The following ZNF804B variants were observed in gnomAD, a reference collection of about 807,000 sequenced individuals.
The protein encoded by ZNF804B is zinc finger protein 804B, also known as zinc finger 804B.
In ZNF804B, 80 loss-of-function variants were observed where a neutral mutation model predicts 101.4. The ratio of observed to expected loss-of-function variants is 0.79; its 90% CI spans 0.66 to 0.95. ZNF804B has a LOEUF of 0.95. ZNF804B is among the 40% of genes least tolerant of loss of function. ZNF804B has a pLI of 0.00. For synonymous variants in ZNF804B, 622 were observed against 558.8 expected (o/e 1.11, Z -1.59); for missense variants, 1,673 against 1,561.9 (o/e 1.07, Z -1.20).
chr7:88,809,867 T>C (rs1790755286), intron 1 of ZNF804B, among the ~76,000 whole-genome samples: 1 of 152,182 alleles, frequency 6.6e-6, no homozygotes, highest in South Asian at 2.1e-4. Context: ...CCATCTTCAA[T>C]ATCAGTAACC....
At chr7:88,795,098 T>A (rs936107428) in intron 1 of ZNF804B, 1 of 566,608 alleles carries the variant, frequency 1.8e-6, no homozygotes, top group Non-Finnish European at 2.9e-6. Context: ...TACTAAATAG[T>A]AAAATCCCAA....
intron 1 of ZNF804B, among the ~76,000 whole-genome samples, chr7:89,153,699 A>G (rs1467892128): frequency 6.6e-6 from 1 of 152,116 alleles, no homozygotes; most frequent in East Asian, 1.9e-4. Flanking sequence ...TCACTTTCTC[A>G]CATCAGATTT....
At position 88,913,459 on chromosome 7, in the gene ZNF804B, A is replaced by G. The variant is rs1167668049; in HGVS notation, c.108+153375A>G. ...GCCCAAGCTGGAGTGCAGTGGTGCAATCTTGGCTTACTGCAACCTCTGCCT... is the reference window on the plus strand; with the variant it reads ...GCCCAAGCTGGAGTGCAGTGGTGCAGTCTTGGCTTACTGCAACCTCTGCCT... On this transcript the variant is annotated intron_variant, in intron 1 of 3. Transcript: ENST00000333190. 2.0e-5 allele frequency among the ~76,000 whole-genome samples: 3 copies of G among 152,076 alleles called. No individual in the cohort carries two copies. In the East Asian group the frequency reaches 5.8e-4, roughly 29 times the overall value.
intron 1 of ZNF804B, among the ~76,000 whole-genome samples, chr7:89,106,737 A>G (rs1206309921): frequency 6.6e-6 from 1 of 152,128 alleles, no homozygotes; most frequent in Non-Finnish European, 1.5e-5. Flanking sequence ...GGCTAGAGAA[A>G]TCTGTGAATA....
chr7:89,233,772 G>C (rs757936233), intron 2 of ZNF804B, among the ~76,000 whole-genome samples: 10 of 152,070 alleles, frequency 6.6e-5, no homozygotes, highest in African/African-American at 9.7e-5. Flanking sequence ...CTGAGTAGCT[G>C]GGATTACAGG....
At chr7:88,960,303 T>C (rs960063945) in intron 1 of ZNF804B, among the ~76,000 whole-genome samples, 2 of 151,292 alleles carry the variant, frequency 1.3e-5, no homozygotes, top group Non-Finnish European at 3.0e-5. Flanking sequence ...GGTTGGCAGA[T>C]GGAGAAGTGG....
chr7:89,010,816 AG>A (rs1196206600), intron 1 of ZNF804B, among the ~76,000 whole-genome samples: 1 of 152,230 alleles, frequency 6.6e-6, no homozygotes, highest in African/African-American at 2.4e-5. Context: ...GATAAAATTT[AG>A]TGTTTCAAAT....
intron 1 of ZNF804B, among the ~76,000 whole-genome samples, chr7:89,001,238 T>C (rs1788283304): frequency 6.6e-6 from 1 of 150,792 alleles, no homozygotes; most frequent in Non-Finnish European, 1.5e-5. Flanking sequence ...TGGGAGATAA[T>C]GCACATGCTA....
chr7:89,086,427 T>C lies in ZNF804B; in HGVS notation c.109-131728T>C, dbSNP rs188338177. On this transcript the variant is annotated intron_variant, in intron 1 of 3. Coordinates refer to ENST00000333190, the MANE Select transcript of ZNF804B (RefSeq NM_181646.5). ...TAATCATATCTCACTCCTCTATAGC[T>C]AGTGCATTTACCAAACAGCTCTTTA... 3.0e-3 allele frequency among the ~76,000 whole-genome samples: 460 copies of C among 152,112 alleles called. 2 individuals carry two copies. Among genetic ancestry groups the C allele is most frequent in the Non-Finnish European group, 5.3e-3 (359 of 67,902 alleles).
chr7:89,015,463 T>A (rs1788533132), intron 1 of ZNF804B, among the ~76,000 whole-genome samples: 1 of 152,070 alleles, frequency 6.6e-6, no homozygotes, highest in African/African-American at 2.4e-5. Context: ...ATTAGGTATA[T>A]CTCTTAAAGC....
intron 1 of ZNF804B, among the ~76,000 whole-genome samples, chr7:88,855,797 G>T (rs1049916338): frequency 6.6e-6 from 1 of 152,130 alleles, no homozygotes; most frequent in Non-Finnish European, 1.5e-5. Context: ...TGCAAGGAAG[G>T]GATCCAGTTT....
chr7:88,987,901 C>T (rs1562852164), intron 1 of ZNF804B, among the ~76,000 whole-genome samples: 1 of 151,378 alleles, frequency 6.6e-6, no homozygotes, highest in African/African-American at 2.4e-5. Flanking sequence ...CTTCTTAATC[C>T]CCTCCTCCTC....
intron 1 of ZNF804B, among the ~76,000 whole-genome samples, chr7:89,044,238 G>A (rs1227727525): frequency 1.3e-5 from 2 of 152,170 alleles, no homozygotes; most frequent in Non-Finnish European, 2.9e-5. Context: ...CTGCCATCAT[G>A]TGAAGAAGGA....
At chr7:89,184,591 A>G (rs996700184) in intron 1 of ZNF804B, among the ~76,000 whole-genome samples, 1 of 152,016 alleles carries the variant, frequency 6.6e-6, no homozygotes, top group African/African-American at 2.4e-5. Flanking sequence ...TTTCTCTTTT[A>G]TTTAAGGAAT....
chr7:89,212,290 A>ACACACAC lies in ZNF804B; in HGVS notation c.109-5865_109-5864insCACACAC, dbSNP rs1491050529. On this transcript the variant is annotated intron_variant, in intron 1 of 3. Coordinates refer to ENST00000333190, the MANE Select transcript of ZNF804B (RefSeq NM_181646.5). ...ACACACACACACACACACACACACA[A>ACACACAC]ACAGACTGCAGAACATCCAAACATT... 5.4e-3 allele frequency among the ~76,000 whole-genome samples: 524 copies of ACACACAC among 97,118 alleles called. 5 individuals are homozygous for ACACACAC. Among genetic ancestry groups the ACACACAC allele is most frequent in the Middle Eastern group, 0.015 (3 of 198 alleles). The allele number at this position is 97,118 out of a possible 152,430, so 63.7% of individuals were successfully genotyped here. A position where few individuals can be genotyped will look rare whatever the true frequency, so the allele number is the denominator to read the frequency against.
At chr7:89,099,541 C>T (rs1054882181) in intron 1 of ZNF804B, among the ~76,000 whole-genome samples, 13 of 152,058 alleles carry the variant, frequency 8.5e-5, no homozygotes, top group African/African-American at 1.9e-4. Context: ...AAGAGGAGTT[C>T]GCAGTTCAGG....
chr7:88,808,814 G>T (rs1790730734), intron 1 of ZNF804B, among the ~76,000 whole-genome samples: 1 of 152,090 alleles, frequency 6.6e-6, no homozygotes. Context: ...AGGCTATGTG[G>T]CTTATAAGAG....
intron 1 of ZNF804B, among the ~76,000 whole-genome samples, chr7:89,158,400 C>T (rs369888349): frequency 6.6e-6 from 1 of 152,120 alleles, no homozygotes; most frequent in East Asian, 1.9e-4. Flanking sequence ...CATTCCCTGA[C>T]CATATCCCGT....
intron 1 of ZNF804B, among the ~76,000 whole-genome samples, chr7:89,149,766 T>A (rs1179775101): frequency 6.6e-6 from 1 of 151,788 alleles, no homozygotes; most frequent in Non-Finnish European, 1.5e-5. Flanking sequence ...ATCCCCATTT[T>A]GGCATACCAG....
Sources: gnomAD v4.1 joint callset for allele counts (sites outside exome capture counted in the v4.1 genomes callset) on GRCh38, gnomAD v4.1.1 for gene constraint, MANE v1.5 for transcripts, NCBI Gene and HGNC (gene_info 2026-07-23, HGNC 2026-07-21) for gene names.